Variants in MTUS2 observed in about 807,000 individuals in gnomAD.
The protein encoded by MTUS2 is microtubule-associated tumor suppressor candidate 2.
MTUS2 carries 40 observed loss-of-function variants against 114.1 expected under a neutral mutation model. That is an observed-to-expected ratio of 0.35 (90% CI 0.27 to 0.46). The LOEUF (loss-of-function observed/expected upper bound fraction) is 0.46. Ranked by LOEUF, MTUS2 falls within the 20% of genes least tolerant of loss-of-function variation. MTUS2 has a pLI of 1.00. For synonymous variants in MTUS2, 688 were observed against 672.0 expected (o/e 1.02, Z -0.37); for missense variants, 1,679 against 1,705.4 (o/e 0.98, Z 0.27).
intron 2 of MTUS2, among the ~76,000 whole-genome samples, chr13:28,857,100 G>A (rs548841632): frequency 7.2e-4 from 109 of 152,300 alleles, no homozygotes; most frequent in African/African-American, 2.5e-3. Context: ...GGAAGACCTC[G>A]GCATTGAGTG....
At chr13:29,264,908 A>T (rs992530579) in intron 5 of MTUS2, among the ~76,000 whole-genome samples, 1 of 152,248 alleles carries the variant, frequency 6.6e-6, no homozygotes, top group Non-Finnish European at 1.5e-5. Flanking sequence ...TGCCTTGGAT[A>T]TTAGCACTTG....
intron 2 of MTUS2, among the ~76,000 whole-genome samples, chr13:28,860,908 G>A (rs1566182369): frequency 6.6e-6 from 1 of 152,180 alleles, no homozygotes. Context: ...ACAGAACCTC[G>A]CCAGTGTCAG....
chr13:29,391,280 G>A (rs1233407345), intron 8 of MTUS2, among the ~76,000 whole-genome samples: 1 of 152,130 alleles, frequency 6.6e-6, no homozygotes, highest in Non-Finnish European at 1.5e-5. Flanking sequence ...AGTAGAGACA[G>A]GGTTTCACCA....
chr13:29,376,996 G>C (rs147257421), intron 8 of MTUS2, among the ~76,000 whole-genome samples: 3 of 152,258 alleles, frequency 2.0e-5, no homozygotes, highest in Admixed American at 6.5e-5. Flanking sequence ...GAAGAAGTAT[G>C]ATAGAAGAAG....
At chr13:29,122,413 C>T (rs772901857) in intron 5 of MTUS2, among the ~76,000 whole-genome samples, 5 of 152,276 alleles carry the variant, frequency 3.3e-5, no homozygotes, top group Non-Finnish European at 7.4e-5. Flanking sequence ...CCGCCTCTTT[C>T]ACATGGAGGC....
intron 5 of MTUS2, among the ~76,000 whole-genome samples, chr13:29,169,417 T>A (rs1454731183): frequency 6.6e-6 from 1 of 152,206 alleles, no homozygotes. Flanking sequence ...GAGTGTGTGA[T>A]TCATTCTTTT....
At chr13:29,145,032 A>G (rs373901910) in intron 5 of MTUS2, among the ~76,000 whole-genome samples, 1 of 152,188 alleles carries the variant, frequency 6.6e-6, no homozygotes. Flanking sequence ...TGAATCATTT[A>G]AGGTTGCTGG....
At chr13:29,447,089 A>G (rs546057972) in intron 9 of MTUS2, among the ~76,000 whole-genome samples, 12 of 152,092 alleles carry the variant, frequency 7.9e-5, no homozygotes, top group Admixed American at 4.6e-4. Flanking sequence ...GGGATGCTCA[A>G]CTAGTAAGTA....
chr13:29,007,524 G>A (rs909139072), intron 2 of MTUS2, among the ~76,000 whole-genome samples: 2 of 152,140 alleles, frequency 1.3e-5, no homozygotes, highest in African/African-American at 4.8e-5. Flanking sequence ...GGGTAAATTA[G>A]CAGTAACTAT....
intron 7 of MTUS2, among the ~76,000 whole-genome samples, chr13:29,337,455 C>G (rs921670221): frequency 2.0e-5 from 3 of 152,166 alleles, no homozygotes; most frequent in African/African-American, 7.2e-5. Flanking sequence ...CCTGCTTTGT[C>G]TCACCCTCCA....
At chr13:28,940,806 G>T (rs993732765) in intron 2 of MTUS2, among the ~76,000 whole-genome samples, 1 of 152,096 alleles carries the variant, frequency 6.6e-6, no homozygotes, top group Non-Finnish European at 1.5e-5. Context: ...AGAGACACAT[G>T]GGACATGGTA....
At chr13:29,159,391 A>T (rs1392751432) in intron 5 of MTUS2, among the ~76,000 whole-genome samples, 5 of 152,244 alleles carry the variant, frequency 3.3e-5, no homozygotes, top group Non-Finnish European at 7.3e-5. Context: ...AATGTGAAAC[A>T]TAAAACTTTT....
In MTUS2 at chr13:29,454,806, T is replaced by C. The variant is rs190234091; in HGVS notation, c.3184+14757T>C. 5.5e-4 allele frequency among the ~76,000 whole-genome samples: 84 copies of C among 152,350 alleles called. 1 individual carries two copies. Among genetic ancestry groups the C allele is most frequent in the African/African-American group, 1.9e-3 (79 of 41,582 alleles). On this transcript the variant is annotated intron_variant, in intron 9 of 15. Transcript: ENST00000612955. ...ATTTCTTTTCTAGTTCCTCAGTCTT[T>C]AGACATCCCCATGGGAGGAGAGGGA...
chr13:29,428,772 G>A (rs1876761736), intron 8 of MTUS2: 1 of 1,608,698 alleles, frequency 6.2e-7, no homozygotes. Context: ...GTGTGTGCCG[G>A]TACCTCGGCT....
intron 2 of MTUS2, among the ~76,000 whole-genome samples, chr13:29,009,238 G>C (rs1432991426): frequency 6.6e-6 from 1 of 151,832 alleles, no homozygotes; most frequent in African/African-American, 2.4e-5. Context: ...TTCAAGTGGG[G>C]AATACACAAT....
At chr13:29,439,747 A>G (rs1264071069) in intron 8 of MTUS2, among the ~76,000 whole-genome samples, 4 of 152,208 alleles carry the variant, frequency 2.6e-5, no homozygotes, top group African/African-American at 9.7e-5. Flanking sequence ...CTAGACAAAA[A>G]CACAACCACG....
At chr13:29,043,457 G>T (rs1176865864) in intron 4 of MTUS2, among the ~76,000 whole-genome samples, 2 of 152,060 alleles carry the variant, frequency 1.3e-5, no homozygotes, top group Admixed American at 6.6e-5. Context: ...TTGTTCTAGG[G>T]TATAGTTTAA....
intron 5 of MTUS2, among the ~76,000 whole-genome samples, chr13:29,149,591 G>A (rs367683688): frequency 2.0e-5 from 3 of 152,050 alleles, no homozygotes; most frequent in Non-Finnish European, 4.4e-5. Context: ...TGAAATCTTT[G>A]CCCATGCCTA....
intron 5 of MTUS2, among the ~76,000 whole-genome samples, chr13:29,174,355 C>A (rs1893683992): frequency 6.6e-6 from 1 of 152,118 alleles, no homozygotes; most frequent in Non-Finnish European, 1.5e-5. Flanking sequence ...TACTGTTTTA[C>A]CCTTGAGAAA....
Sources: allele counts gnomAD v4.1 joint callset (sites outside exome capture counted in the v4.1 genomes callset), GRCh38; gene constraint gnomAD v4.1.1; transcripts MANE v1.5; gene names NCBI Gene and HGNC (gene_info 2026-07-23, HGNC 2026-07-21).